The following PPP2R3A variants were observed in gnomAD, a reference collection of about 807,000 sequenced individuals.
PPP2R3A encodes the protein serine/threonine-protein phosphatase 2A regulatory subunit B'' subunit alpha.
In PPP2R3A, 80 loss-of-function variants were observed where a neutral mutation model predicts 106.9. That is an observed-to-expected ratio of 0.75 (90% CI 0.62 to 0.90). The LOEUF (loss-of-function observed/expected upper bound fraction) is 0.90, where lower values mean the gene tolerates loss of function less well. PPP2R3A is among the 40% of genes least tolerant of loss of function. The pLI is 0.00. For missense variants in PPP2R3A, 1,386 were observed against 1,350.4 expected (o/e 1.03, Z -0.41); for synonymous variants, 483 against 468.3 (o/e 1.03, Z -0.41).
At chr3:136,045,257 T>G (rs1202902771) in intron 4 of PPP2R3A, among the ~76,000 whole-genome samples, 1 of 152,164 alleles carries the variant, frequency 6.6e-6, no homozygotes, top group Non-Finnish European at 1.5e-5. Flanking sequence ...ACTGGTGGCC[T>G]GGGAGCACCT....
chr3:136,125,708 A>G (rs947652176), intron 13 of PPP2R3A, among the ~76,000 whole-genome samples: 1 of 152,104 alleles, frequency 6.6e-6, no homozygotes, highest in East Asian at 1.9e-4. Flanking sequence ...AAACAAAGCA[A>G]TGTCCCCTAT....
intron 6 of PPP2R3A, among the ~76,000 whole-genome samples, chr3:136,076,225 CTA>C (rs1936588921): frequency 6.6e-6 from 1 of 152,208 alleles, no homozygotes; most frequent in African/African-American, 2.4e-5. Flanking sequence ...GCATTTCTGT[CTA>C]GCAGTTGTAA....
intron 3 of PPP2R3A, among the ~76,000 whole-genome samples, chr3:136,033,070 G>A (rs1934961939): frequency 6.6e-6 from 1 of 152,158 alleles, no homozygotes; most frequent in Non-Finnish European, 1.5e-5. Flanking sequence ...ATTTTGCTGA[G>A]AGTTTTCATC....
At position 136,098,942 on chromosome 3, in the gene PPP2R3A, C is replaced by T. The variant is rs554335185; in HGVS notation, c.2928-3065C>T. On this transcript the variant is annotated intron_variant, in intron 10 of 13. Coordinates refer to ENST00000264977, the MANE Select transcript of PPP2R3A (RefSeq NM_002718.5). ...AACTGGTGCTTTATTCCCTGGAGAA[C>T]ATAAAACAGAGGGTCTCCGGACTGG... is the stretch of plus-strand genomic sequence containing the variant. Among the ~76,000 whole-genome samples, 3 of 152,258 alleles carry T rather than the reference C, an allele frequency of 2.0e-5. No homozygotes were observed. In the East Asian group the frequency reaches 5.8e-4, roughly 29 times the overall value.
At position 136,003,467 on chromosome 3, in the gene PPP2R3A, A is replaced by G. The variant is rs760303227; in HGVS notation, c.1969A>G (p.Ile657Val). 3.7e-6 allele frequency: 6 copies of G among 1,612,318 alleles called. No individual in the cohort carries two copies. The highest frequency in any genetic ancestry group is 1.1e-5 in the South Asian group (1 of 90,642). The change falls in exon 2 of 14, where the codon ATT (isoleucine) becomes GTT (valine). Residue 657 changes from isoleucine to valine, a missense_variant. Coordinates refer to ENST00000264977, the MANE Select transcript of PPP2R3A (RefSeq NM_002718.5). ...KAKDTTSAVL[I>V]QQTPEVIKIQ... ...CAAAGATACTACTTCAGCAGTTTTGATTCAGCAGACTCCAGAGGTGATCAA... is the reference window on the plus strand; with the variant it reads ...CAAAGATACTACTTCAGCAGTTTTGGTTCAGCAGACTCCAGAGGTGATCAA...
Position 136,003,266 on chromosome 3 carries a change from C to G in PPP2R3A, c.1768C>G (p.Leu590Val). ...CAAAATAGAGGAAGAGGATCGAGCC[C>G]TCTTACTGCGAATCCTGGAAAGCAT... ...GHKIEEEDRALLLRILESIED... is the reference protein window; with the variant it reads ...GHKIEEEDRAVLLRILESIED... The change falls in exon 2 of 14, where the codon CTC becomes GTC. Residue 590 changes from leucine (L) to valine (V), a missense_variant. Physicochemically the swap from Leu to Val is conservative, Grantham distance 32 (BLOSUM62 1). Transcript: ENST00000264977. 1 of 1,613,896 alleles carries G rather than the reference C, an allele frequency of 6.2e-7. No homozygotes were observed. Among genetic ancestry groups the G allele is most frequent in the Non-Finnish European group, 8.5e-7 (1 of 1,179,902 alleles).
intron 13 of PPP2R3A, among the ~76,000 whole-genome samples, chr3:136,119,541 G>A (rs140825038): frequency 9.0e-4 from 137 of 152,250 alleles, no homozygotes; most frequent in African/African-American, 3.0e-3. Context: ...ATCAAAAAGC[G>A]GGTGAAGGAT....
rs1309818305 is a variant in PPP2R3A, at chr3:135,979,601, GT to G, written c.-441+13755del. On this transcript the variant is annotated intron_variant, in intron 1 of 13. Transcript: ENST00000264977. The stretch of plus-strand genomic sequence containing the variant: ...GCTGCTCATTTTAAAAGGCTAACAA[GT>G]TTCCCCTCTCAATCCATGTTGTTGC... Among the ~76,000 whole-genome samples, 23 of 151,862 alleles carry G rather than the reference GT, an allele frequency of 1.5e-4. 1 individual carries two copies. Among genetic ancestry groups the G allele is most frequent in the African/African-American group, 5.3e-4 (22 of 41,168 alleles).
At position 136,127,503 on chromosome 3, in the gene PPP2R3A, T is replaced by C. The variant is rs184932981; in HGVS notation, c.3330-17540T>C. The stretch of plus-strand genomic sequence containing the variant: ...AAACAAACAAAGCCTCCAAGAAATA[T>C]GGGACTATGCGAAAAAACCAAATCG... On this transcript the variant is annotated intron_variant, in intron 13 of 13. Coordinates refer to ENST00000264977, the MANE Select transcript of PPP2R3A (RefSeq NM_002718.5). Among the ~76,000 whole-genome samples, 362 of 152,218 alleles carry C rather than the reference T, an allele frequency of 2.4e-3. 1 individual carries two copies. The highest frequency in any genetic ancestry group is 4.4e-3 in the Admixed American group (67 of 15,284).
At chr3:135,992,349 C>G (rs767576341) in intron 1 of PPP2R3A, among the ~76,000 whole-genome samples, 28 of 152,068 alleles carry the variant, frequency 1.8e-4, no homozygotes, top group Admixed American at 8.5e-4. Flanking sequence ...TTTTTCTGCT[C>G]CTAGTCTTCA....
intron 5 of PPP2R3A, chr3:136,055,395 T>C: frequency 4.1e-6 from 4 of 985,704 alleles, no homozygotes; most frequent in Non-Finnish European, 6.6e-6. Flanking sequence ...CCTCTGACCC[T>C]CTTATCCCCT....
At chr3:136,109,556 C>T (rs561793162) in intron 13 of PPP2R3A, among the ~76,000 whole-genome samples, 72 of 152,190 alleles carry the variant, frequency 4.7e-4, no homozygotes, top group African/African-American at 1.7e-3. Context: ...GTAAAGTATT[C>T]CCTTAAGATA....
chr3:136,139,640 C>A (rs545228968), intron 13 of PPP2R3A, among the ~76,000 whole-genome samples: 87 of 150,052 alleles, frequency 5.8e-4, no homozygotes, highest in Admixed American at 5.3e-4. Flanking sequence ...TTGCAGTGAG[C>A]CGAGATCACG....
intron 13 of PPP2R3A, among the ~76,000 whole-genome samples, chr3:136,119,980 T>A (rs1415092192): frequency 6.6e-6 from 1 of 152,002 alleles, no homozygotes; most frequent in Non-Finnish European, 1.5e-5. Flanking sequence ...ATAGACTGGA[T>A]AAAGAAAATG....
At chr3:136,136,057 AAAAAAAAAAAAAAAAATTATATATAT>A (rs1411657777) in intron 13 of PPP2R3A, among the ~76,000 whole-genome samples, 2 of 47,512 alleles carry the variant, frequency 4.2e-5, no homozygotes, top group Admixed American at 2.5e-4. Flanking sequence ...AAAAAAAAAA[AAAAAAAAAAAAAAAAATTATATATAT>A]ATATATATAT....
chr3:136,012,281 C>T (rs533595464), intron 2 of PPP2R3A, among the ~76,000 whole-genome samples: 93 of 152,216 alleles, frequency 6.1e-4, no homozygotes, highest in Non-Finnish European at 1.2e-3. Flanking sequence ...ATTATTATTC[C>T]TGATCATTTT....
intron 2 of PPP2R3A, among the ~76,000 whole-genome samples, chr3:136,005,605 A>C (rs926017257): frequency 1.3e-5 from 2 of 152,124 alleles, no homozygotes; most frequent in Non-Finnish European, 2.9e-5. Flanking sequence ...ATTAATCACA[A>C]AAGTAAGAAA....
rs149008688 is a variant in PPP2R3A at position 136,062,590 on chromosome 3, C to T, written c.2470-7888C>T. ...AAAATTAGCCAGGCGTGGTGGTGGG[C>T]GCCTATAGTCCCAGCTACTCAGGAG... is the stretch of plus-strand genomic sequence containing the variant. On this transcript the variant is annotated intron_variant, in intron 5 of 13. Coordinates refer to ENST00000264977, the MANE Select transcript of PPP2R3A (RefSeq NM_002718.5). Among the ~76,000 whole-genome samples, 1,106 of 151,868 alleles carry T rather than the reference C, an allele frequency of 7.3e-3. 15 individuals carry two copies. The highest frequency in any genetic ancestry group is 0.025 in the African/African-American group (1,049 of 41,408).
rs572779295 is a variant in PPP2R3A at position 136,003,431 on chromosome 3, G to A, written c.1933G>A (p.Gly645Ser). 6.2e-7 allele frequency: 1 copy of A among 1,613,748 alleles called. No individual in the cohort carries two copies. The highest frequency in any genetic ancestry group is 1.1e-5 in the South Asian group (1 of 91,032). The change falls in exon 2 of 14, where the codon GGT becomes AGT. Residue 645 changes from glycine to serine, a missense_variant. Physicochemically the swap from Gly to Ser is moderately conservative, Grantham distance 56 (BLOSUM62 0). Coordinates refer to ENST00000264977, the MANE Select transcript of PPP2R3A (RefSeq NM_002718.5). ...TTTATCAGTCTGTAGAAGTCCTGTT[G>A]GTGATAAAGCCAAAGATACTACTTC... is the stretch of plus-strand genomic sequence containing the variant. ...ANLSVCRSPVGDKAKDTTSAV... is the reference protein window; with the variant it reads ...ANLSVCRSPVSDKAKDTTSAV...
Sources: gnomAD v4.1 joint callset for allele counts (sites outside exome capture counted in the v4.1 genomes callset) on GRCh38, gnomAD v4.1.1 for gene constraint, MANE v1.5 for transcripts, NCBI Gene and HGNC (gene_info 2026-07-23, HGNC 2026-07-21) for gene names.